CSGALNACT1: variants seen among roughly 807,000 people sequenced by gnomAD.
The protein encoded by CSGALNACT1 is chondroitin sulfate N-acetylgalactosaminyltransferase 1.
CSGALNACT1 carries 52 observed loss-of-function variants against 51.0 expected under a neutral mutation model. That is an observed-to-expected ratio of 1.02 (90% confidence interval 0.82 to 1.29). The LOEUF (loss-of-function observed/expected upper bound fraction) is 1.29, where lower values mean the gene tolerates loss of function less well. CSGALNACT1 is among the 50% of genes most tolerant of loss of function. The probability of loss-of-function intolerance (pLI) is 0.00; values close to 1 mark genes in which losing one functional copy is unlikely to be tolerated. For missense variants in CSGALNACT1, 935 were observed against 679.2 expected, an observed-to-expected ratio of 1.38 and a Z score of -4.19; for synonymous variants, 341 against 254.4, an observed-to-expected ratio of 1.34 and a Z score of -3.24.
At chr8:19,449,964 C>T (rs1043488470) in intron 5 of CSGALNACT1, among the ~76,000 whole-genome samples, 8 of 149,874 alleles carry the variant, frequency 5.3e-5, no homozygotes, top group African/African-American at 1.5e-4. Context: ...ATGAAGTAAC[C>T]GGCTGGCTTA....
At chr8:19,553,314 C>T (rs949164286) in intron 3 of CSGALNACT1, among the ~76,000 whole-genome samples, 4 of 151,840 alleles carry the variant, frequency 2.6e-5, no homozygotes, top group Non-Finnish European at 5.9e-5. Context: ...TTAAATGGTA[C>T]CCTAAAGGAA....
intron 5 of CSGALNACT1, among the ~76,000 whole-genome samples, chr8:19,444,298 G>C (rs987774598): frequency 3.3e-5 from 5 of 152,296 alleles, no homozygotes; most frequent in Non-Finnish European, 5.9e-5. Context: ...GTATCATCTA[G>C]GGAATAATGA....
chr8:19,457,852 GC>G (rs772683754), intron 5 of CSGALNACT1: 2 of 1,324,918 alleles, frequency 1.5e-6, no homozygotes, highest in South Asian at 2.3e-5. Flanking sequence ...TCATTGAGTA[GC>G]TACAAAAATG....
chr8:19,467,020 C>A (rs1339692834), intron 4 of CSGALNACT1, among the ~76,000 whole-genome samples: 1 of 150,650 alleles, frequency 6.6e-6, no homozygotes, highest in African/African-American at 2.4e-5. Flanking sequence ...TGCAGGCTGA[C>A]AAATCCAGTA....
intron 1 of CSGALNACT1, among the ~76,000 whole-genome samples, chr8:19,635,919 A>G (rs1267141242): frequency 6.6e-6 from 1 of 152,070 alleles, no homozygotes; most frequent in Admixed American, 6.6e-5. Context: ...TAGTAGAGAC[A>G]GGGTTTCACC....
rs187015330 is a variant in CSGALNACT1 at position 19,452,521 on chromosome 8, A to G, written c.851+5905T>C. ...TATCTGAAGAGTTAGAGGAGAAGGG[A>G]TGAGACATGCTGAGAGCTGATGACA... On this transcript the variant is annotated intron_variant, in intron 5 of 9. Coordinates refer to ENST00000454498, the Ensembl canonical transcript of CSGALNACT1. 1.1e-3 allele frequency among the ~76,000 whole-genome samples: 165 copies of G among 152,188 alleles called. 1 individual carries two copies. Among genetic ancestry groups the G allele is most frequent in the Middle Eastern group, 3.4e-3 (1 of 294 alleles).
intron 7 of CSGALNACT1, 123 bp from the exon 7 acceptor site, chr8:19,418,873 C>A: frequency 1.4e-6 from 1 of 720,826 alleles, no homozygotes; most frequent in Non-Finnish European, 2.5e-6. Context: ...CTTTGAGAGG[C>A]AGTCTCACTG....
At chr8:19,663,937 T>C (rs1242378954) in intron 1 of CSGALNACT1, among the ~76,000 whole-genome samples, 1 of 152,168 alleles carries the variant, frequency 6.6e-6, no homozygotes, top group Admixed American at 6.5e-5. Context: ...CAGACAAATG[T>C]CACTCTTGTA....
chr8:19,685,567 G>C (rs2060926116), upstream of CSGALNACT1, among the ~76,000 whole-genome samples: 1 of 152,186 alleles, frequency 6.6e-6, no homozygotes, highest in South Asian at 2.1e-4. Context: ...CTAGTTCTTA[G>C]TGTTACATGG....
At chr8:19,662,811 C>A (rs991991287) in intron 1 of CSGALNACT1, among the ~76,000 whole-genome samples, 2 of 152,150 alleles carry the variant, frequency 1.3e-5, no homozygotes, top group African/African-American at 4.8e-5. Flanking sequence ...GACAGCACAC[C>A]CATCAGCTGG....
chr8:19,529,540 T>C (rs1362537145), intron 3 of CSGALNACT1, among the ~76,000 whole-genome samples: 3 of 152,214 alleles, frequency 2.0e-5, no homozygotes, highest in Non-Finnish European at 4.4e-5. Context: ...ACTGCAACCC[T>C]TTCCCCATTA....
At chr8:19,600,412 G>A (rs1006337018) in intron 2 of CSGALNACT1, among the ~76,000 whole-genome samples, 1 of 152,076 alleles carries the variant, frequency 6.6e-6, no homozygotes, top group African/African-American at 2.4e-5. Flanking sequence ...TATTTTGACT[G>A]TTTTCTGGCA....
At chr8:19,672,139 T>C (rs2154198531) in intron 1 of CSGALNACT1, among the ~76,000 whole-genome samples, 1 of 152,310 alleles carries the variant, frequency 6.6e-6, no homozygotes, top group East Asian at 1.9e-4. Flanking sequence ...ATTCTTTGTC[T>C]CCCTCTCTTT....
intron 1 of CSGALNACT1, among the ~76,000 whole-genome samples, chr8:19,697,017 C>T (rs920541968): frequency 1.3e-5 from 2 of 152,092 alleles, no homozygotes; most frequent in African/African-American, 2.4e-5. Flanking sequence ...ATGGTAAGGA[C>T]AGATGGCAGA....
At chr8:19,664,937 T>C (rs1156304800) in intron 1 of CSGALNACT1, among the ~76,000 whole-genome samples, 1 of 152,242 alleles carries the variant, frequency 6.6e-6, no homozygotes, top group Admixed American at 6.5e-5. Context: ...GTACAATGTA[T>C]ACTATTTGGG....
intron 1 of CSGALNACT1, among the ~76,000 whole-genome samples, chr8:19,731,964 G>A (rs536466420): frequency 6.6e-6 from 1 of 152,320 alleles, no homozygotes; most frequent in African/African-American, 2.4e-5. Flanking sequence ...TATGGCATTA[G>A]AGCTTTGATC....
intron 1 of CSGALNACT1, among the ~76,000 whole-genome samples, chr8:19,718,937 C>A (rs10085966): frequency 6.6e-6 from 1 of 152,116 alleles, no homozygotes; most frequent in African/African-American, 2.4e-5. Context: ...TATTAACATA[C>A]GCCCTGCAAG....
intron 1 of CSGALNACT1, among the ~76,000 whole-genome samples, chr8:19,749,182 G>A (rs892079719): frequency 3.3e-5 from 5 of 150,832 alleles, no homozygotes; most frequent in Non-Finnish European, 2.9e-5. Context: ...TTCATTTCAA[G>A]GACTATTCCT....
chr8:19,547,412 G>C (rs577456271), intron 3 of CSGALNACT1, among the ~76,000 whole-genome samples: 43 of 147,748 alleles, frequency 2.9e-4, no homozygotes, highest in African/African-American at 1.0e-3. Context: ...TTTTGTGGGA[G>C]AGACCCAGTG....
Sources: gnomAD v4.1 joint callset for allele counts (sites outside exome capture counted in the v4.1 genomes callset) on GRCh38, gnomAD v4.1.1 for gene constraint, MANE v1.5 for transcripts, NCBI Gene and HGNC (gene_info 2026-07-23, HGNC 2026-07-21) for gene names.